Variants in ARVCF observed in about 807,000 individuals in gnomAD.
ARVCF encodes splicing regulator ARVCF.
In ARVCF, 66 loss-of-function variants were observed where a neutral mutation model predicts 90.9. The ratio of observed to expected loss-of-function variants is 0.73; its 90% CI spans 0.60 to 0.89. The LOEUF (loss-of-function observed/expected upper bound fraction) is 0.89, where lower values mean the gene tolerates loss of function less well. Among genes scored for constraint, ARVCF ranks in the 40% least tolerant of loss-of-function variants. ARVCF has a pLI of 0.00. For missense variants in ARVCF, 1,469 were observed against 1,382.3 expected (o/e 1.06, Z -1.00); for synonymous variants, 653 against 603.4 (o/e 1.08, Z -1.21).
At chr22:20,007,333 T>C (rs1473770672) in intron 2 of ARVCF, among the ~76,000 whole-genome samples, 1 of 151,792 alleles carries the variant, frequency 6.6e-6, no homozygotes, top group Non-Finnish European at 1.5e-5. Context: ...ACGTGGGAGG[T>C]GAAGGTTGCA....
intron 2 of ARVCF, among the ~76,000 whole-genome samples, chr22:20,006,196 C>G (rs1023614770): frequency 6.6e-6 from 1 of 152,138 alleles, no homozygotes; most frequent in Non-Finnish European, 1.5e-5. Flanking sequence ...TGTGAACAAA[C>G]AACACTACTG....
In ARVCF at chr22:19,977,308, C is replaced by G. The variant is rs946328163; in HGVS notation, c.1870+107G>C. On this transcript the variant is annotated intron_variant, in intron 9 of 19. Coordinates refer to ENST00000263207, the MANE Select transcript of ARVCF (RefSeq NM_001670.3). ...CCCTGCCTGCCTGTTGGGGGCTGAC[C>G]AGGTGTCCTCTAGCCTCCATGATGG... is the stretch of plus-strand genomic sequence containing the variant. 6 of 1,380,680 alleles carry G rather than the reference C, an allele frequency of 4.3e-6. No individual in the cohort carries two copies. The African/African-American group carries it at 8.8e-5, about 20-fold the overall frequency. The allele number at this position is 1,380,680 out of a possible 1,614,324, so 85.5% of individuals were successfully genotyped here. A position where few individuals can be genotyped will look rare whatever the true frequency, so the allele number is the denominator to read the frequency against.
At position 19,978,038 on chromosome 22, in the gene ARVCF, G is replaced by A. The variant is rs754082386; in HGVS notation, c.1618C>T (p.Leu540Phe). 1.8e-5 allele frequency: 29 copies of A among 1,611,488 alleles called. No homozygotes were observed. The highest frequency in any genetic ancestry group is 2.7e-5 in the African/African-American group (2 of 74,904). ...TCCACCAGCCCTTCACACTCCCGGA[G>A]TCGCCGCCGGGCCTCAGCACCATCG... ...SSDGAEARRR[L>F]RECEGLVDAL... Residue 540 changes from leucine to phenylalanine, a missense_variant, in exon 8 of 20, where the codon CTC becomes TTC. Transcript: ENST00000263207.
chr22:19,985,905 C>A (rs1943742174), intron 3 of ARVCF, among the ~76,000 whole-genome samples: 2 of 152,356 alleles, frequency 1.3e-5, no homozygotes, highest in South Asian at 4.1e-4. Flanking sequence ...TCTTCTCCAT[C>A]CCCATTATGG....
downstream of ARVCF, among the ~76,000 whole-genome samples, chr22:19,968,272 A>G (rs1942532718): frequency 6.6e-6 from 1 of 152,146 alleles, no homozygotes; most frequent in Admixed American, 6.5e-5. Flanking sequence ...TGCTGTTCTA[A>G]GGGATGGATA....
At position 19,973,330 on chromosome 22, in the gene ARVCF, A is replaced by C; in HGVS notation, c.2240-13T>G. ...ATGGCGTAGCTCCCTGAGGGGCAGGACTAGGTGTCAGAACACACCTCTGCC... is the reference window on the plus strand; with the variant it reads ...ATGGCGTAGCTCCCTGAGGGGCAGGCCTAGGTGTCAGAACACACCTCTGCC... On this transcript the variant is annotated splice_polypyrimidine_tract_variant and intron_variant, in intron 13 of 19. Coordinates refer to ENST00000263207, the MANE Select transcript of ARVCF (RefSeq NM_001670.3). 6.3e-7 allele frequency: 1 copy of C among 1,583,848 alleles called. No individual in the cohort carries two copies. Among genetic ancestry groups the C allele is most frequent in the Non-Finnish European group, 8.5e-7 (1 of 1,170,480 alleles).
At chr22:20,002,159 T>C (rs1944469403) in intron 2 of ARVCF, among the ~76,000 whole-genome samples, 1 of 152,194 alleles carries the variant, frequency 6.6e-6, no homozygotes, top group South Asian at 2.1e-4. Context: ...GTGTGAGCCT[T>C]CTGTCCAGAA....
chr22:19,985,485 G>A (rs936417151), intron 3 of ARVCF, among the ~76,000 whole-genome samples: 5 of 152,254 alleles, frequency 3.3e-5, no homozygotes, highest in African/African-American at 1.2e-4. Flanking sequence ...GGGGCTCTGG[G>A]CCCCATCACG....
chr22:19,970,357 C>T lies in ARVCF; in HGVS notation c.*399G>A, dbSNP rs1942682580. On this transcript the variant is annotated 3_prime_UTR_variant, in exon 20 of 20. Transcript: ENST00000263207. The stretch of plus-strand genomic sequence containing the variant: ...CCCCCTCCCTGCCTAGCTGCCTGCC[C>T]CTGGCGCCAGACCTGGCCCGCACCA... The T allele has an allele frequency of 3.0e-6, 3 of 1,001,460 alleles. No individual in the cohort carries two copies. The highest frequency in any genetic ancestry group is 3.6e-6 in the Non-Finnish European group (3 of 839,296). The allele number at this position is 1,001,460 out of a possible 1,614,324, so 62.0% of individuals were successfully genotyped here. A position where few individuals can be genotyped will look rare whatever the true frequency, so the allele number is the denominator to read the frequency against.
chr22:19,982,842 C>T (rs1396645352), intron 3 of ARVCF, among the ~76,000 whole-genome samples: 1 of 152,224 alleles, frequency 6.6e-6, no homozygotes, highest in Non-Finnish European at 1.5e-5. Context: ...ATATCAGAGA[C>T]CAGACACAGT....
Position 19,980,216 on chromosome 22 carries a change from CCAT to C in ARVCF, c.920_922del (p.Asp307del), listed in dbSNP as rs1943416709. The C allele has an allele frequency of 5.2e-6, 8 of 1,541,248 alleles. No homozygotes were observed. Among genetic ancestry groups the C allele is most frequent in the Non-Finnish European group, 7.0e-6 (8 of 1,144,918 alleles). On this transcript the variant is annotated inframe_deletion, in exon 6 of 20. Transcript: ENST00000263207. ...AGGCCGCTCGTCCGCCAGCTCGCCGCCATCATCTGCTGTGTCCTCGTAGGCCCT... is the reference window on the plus strand; with the variant it reads ...AGGCCGCTCGTCCGCCAGCTCGCCGCCATCTGCTGTGTCCTCGTAGGCCCT...
At chr22:19,988,098 C>CCT (rs1281578364) in intron 3 of ARVCF, among the ~76,000 whole-genome samples, 1 of 152,210 alleles carries the variant, frequency 6.6e-6, no homozygotes, top group Non-Finnish European at 1.5e-5. Flanking sequence ...CGGGCCCAGG[C>CCT]CTCCCACTGG....
intron 10 of ARVCF, 84 bp from the exon 11 acceptor site, chr22:19,975,841 A>T: frequency 6.9e-7 from 1 of 1,452,878 alleles, no homozygotes; most frequent in Non-Finnish European, 9.6e-7. Context: ...GTTCTCTCCT[A>T]CCCAGGCCCC....
Position 19,974,161 on chromosome 22 carries a change from A to AG in ARVCF, c.2038dup (p.Leu680ProfsTer42). 6.2e-7 allele frequency: 1 copy of AG among 1,613,034 alleles called. No individual in the cohort carries two copies. The highest frequency in any genetic ancestry group is 8.5e-7 in the Non-Finnish European group (1 of 1,179,840). The stretch of plus-strand genomic sequence containing the variant: ...CTGCAGAGCGCCGGCGGCAGCCTCC[A>AG]GGGTGTTGAAGTTCCGGCTCTCCGT... On this transcript the variant is annotated frameshift_variant, in exon 12 of 20. Transcript: ENST00000263207. LOFTEE classifies it high-confidence loss of function.
chr22:19,966,165 T>C (rs571624971), downstream of ARVCF, among the ~76,000 whole-genome samples: 8 of 152,338 alleles, frequency 5.3e-5, no homozygotes, highest in African/African-American at 1.2e-4. Context: ...AAGTCATGAA[T>C]TGGGAATGGG....
intron 17 of ARVCF, 56 bp downstream of exon 17, chr22:19,972,302 T>TCAG: frequency 6.2e-7 from 1 of 1,610,286 alleles, no homozygotes; most frequent in East Asian, 2.2e-5. Context: ...CAGGCCCACT[T>TCAG]CAGGCCTTGG....
At chr22:20,002,799 T>C (rs1440464744) in intron 2 of ARVCF, among the ~76,000 whole-genome samples, 2 of 152,110 alleles carry the variant, frequency 1.3e-5, no homozygotes, top group East Asian at 3.9e-4. Context: ...TGCTGATGTG[T>C]GGAATTGATT....
At chr22:19,968,523 G>C (rs760438359), downstream of ARVCF, 34 of 1,612,000 alleles carry the variant, frequency 2.1e-5, no homozygotes, top group African/African-American at 1.9e-4. Context: ...CCCACCCCCC[G>C]GTCTGTTTGC....
chr22:19,970,581 G>C lies in ARVCF; in HGVS notation c.*175C>G. 8.1e-7 allele frequency: 1 copy of C among 1,227,814 alleles called. No individual in the cohort carries two copies. The highest frequency in any genetic ancestry group is 1.0e-6 in the Non-Finnish European group (1 of 959,140). The allele number at this position is 1,227,814 out of a possible 1,614,324, so 76.1% of individuals were successfully genotyped here. On this transcript the variant is annotated 3_prime_UTR_variant, in exon 20 of 20. Transcript: ENST00000263207. ...TAGGGAGTTAGGTAGGATGGGGGGA[G>C]TGGGGTGGGGGGGCAGGAGGGTGTC...
Sources: allele counts gnomAD v4.1 joint callset (sites outside exome capture counted in the v4.1 genomes callset), GRCh38; gene constraint gnomAD v4.1.1; transcripts MANE v1.5; gene names NCBI Gene and HGNC (gene_info 2026-07-23, HGNC 2026-07-21).